Variants in PCSK5 observed in about 807,000 individuals in gnomAD.
PCSK5 encodes prohormone convertase 5.
PCSK5 carries 129 observed loss-of-function variants against 233.2 expected under a neutral mutation model. The observed-to-expected ratio is 0.55, with a 90% CI of 0.48 to 0.64. PCSK5 has a LOEUF of 0.64. Ranked by LOEUF, PCSK5 falls within the 30% of genes least tolerant of loss-of-function variation. The probability of loss-of-function intolerance (pLI) is 0.00; values close to 1 mark genes in which losing one functional copy is unlikely to be tolerated. For missense variants in PCSK5, 2,076 were observed against 2,430.1 expected, an observed-to-expected ratio of 0.85 and a Z score of 3.06; for synonymous variants, 825 against 879.2, an observed-to-expected ratio of 0.94 and a Z score of 1.09.
Position 75,891,091 on chromosome 9 carries a change from G to A in PCSK5, c.-91G>A. The A allele has an allele frequency of 8.1e-7, 1 of 1,231,812 alleles. No individual in the cohort carries two copies. The highest frequency in any genetic ancestry group is 1.0e-6 in the Non-Finnish European group (1 of 954,682). The allele number at this position is 1,231,812 out of a possible 1,614,324, so 76.3% of individuals were successfully genotyped here. On this transcript the variant is annotated 5_prime_UTR_variant, in exon 1 of 38. Transcript: ENST00000674117. ...GAGCTGCGGCGGCCCGGGGCTGCTC[G>A]CCGGGCGGCGCAGGCCGGAGAAGTT...
At chr9:76,211,747 C>G (rs1228338135) in intron 20 of PCSK5, among the ~76,000 whole-genome samples, 2 of 152,180 alleles carry the variant, frequency 1.3e-5, no homozygotes, top group African/African-American at 4.8e-5. Context: ...ACTCAGGAGG[C>G]TGAGGCTAGA....
chr9:76,134,635 T>G (rs1822897797), intron 10 of PCSK5, among the ~76,000 whole-genome samples: 1 of 152,060 alleles, frequency 6.6e-6, no homozygotes, highest in Non-Finnish European at 1.5e-5. Context: ...GCTAAGGCCA[T>G]GCATTCTACA....
At chr9:76,292,377 C>T (rs192273174) in intron 25 of PCSK5, 102 bp downstream of exon 25, 37 of 763,018 alleles carry the variant, frequency 4.8e-5, no homozygotes, top group South Asian at 2.8e-4. Context: ...CCCTGCAGCC[C>T]GAAGCAACTC....
intron 21 of PCSK5, among the ~76,000 whole-genome samples, chr9:76,231,409 G>A (rs928114949): frequency 2.0e-5 from 3 of 152,136 alleles, no homozygotes; most frequent in African/African-American, 4.8e-5. Context: ...AGTGCCTAGT[G>A]CCAAAAAGGC....
chr9:76,248,060 A>G (rs1002303064), intron 24 of PCSK5, among the ~76,000 whole-genome samples: 2 of 152,212 alleles, frequency 1.3e-5, no homozygotes, highest in Non-Finnish European at 2.9e-5. Context: ...CTGGGATTAC[A>G]GGCATGAGCC....
At chr9:76,068,137 A>C in intron 6 of PCSK5, 94 bp downstream of exon 6, 1 of 836,216 alleles carries the variant, frequency 1.2e-6, no homozygotes, top group South Asian at 1.5e-5. Flanking sequence ...AGGTTAAACG[A>C]TTGGGCATAT....
chr9:75,992,609 A>G (rs1184145100), intron 3 of PCSK5, among the ~76,000 whole-genome samples: 1 of 151,966 alleles, frequency 6.6e-6, no homozygotes, highest in Non-Finnish European at 1.5e-5. Context: ...ATACACACAC[A>G]CAATTTTTTT....
At chr9:76,191,837 T>G (rs965533437) in intron 20 of PCSK5, among the ~76,000 whole-genome samples, 4 of 152,014 alleles carry the variant, frequency 2.6e-5, no homozygotes, top group African/African-American at 9.7e-5. Flanking sequence ...GACCAGAATT[T>G]TTGGTAGGTT....
chr9:76,061,346 A>C (rs1164322022), intron 5 of PCSK5, among the ~76,000 whole-genome samples: 1 of 152,214 alleles, frequency 6.6e-6, no homozygotes, highest in Non-Finnish European at 1.5e-5. Flanking sequence ...TCAGATTATT[A>C]TTGATACCAA....
At chr9:76,046,737 T>C (rs1352332630) in intron 5 of PCSK5, among the ~76,000 whole-genome samples, 1 of 151,180 alleles carries the variant, frequency 6.6e-6, no homozygotes. Context: ...ATTTTTTGTA[T>C]TTTTAGTAGA....
chr9:76,338,330 T>C lies in PCSK5; in HGVS notation c.4849T>C (p.Phe1617Leu). 1 of 1,612,576 alleles carries C rather than the reference T, an allele frequency of 6.2e-7. No individual in the cohort carries two copies. Among genetic ancestry groups the C allele is most frequent in the Non-Finnish European group, 8.5e-7 (1 of 1,179,734 alleles). Reference sequence around the variant, plus strand: ...CACAGACTGCCTGTCTTGCGATAGATTTTTCTTTCTGCTCCGCTCCAAAGG... The same window carrying C: ...CACAGACTGCCTGTCTTGCGATAGACTTTTCTTTCTGCTCCGCTCCAAAGG... The part of the protein sequence containing the change: ...RPTDCLSCDR[F>L]FFLLRSKGEC... Residue 1617 changes from phenylalanine (F) to leucine (L), a missense_variant, in exon 35 of 38, where the codon TTT (phenylalanine) becomes CTT (leucine). Transcript: ENST00000674117.
intron 8 of PCSK5, among the ~76,000 whole-genome samples, chr9:76,096,501 G>C (rs908521861): frequency 1.3e-5 from 2 of 152,012 alleles, no homozygotes; most frequent in African/African-American, 4.8e-5. Context: ...TCTGAGTATG[G>C]CCAATTCAGT....
intron 12 of PCSK5, among the ~76,000 whole-genome samples, chr9:76,168,490 AT>A (rs1823183850): frequency 2.0e-5 from 3 of 152,102 alleles, no homozygotes; most frequent in Admixed American, 6.5e-5. Context: ...ATGTCTCTTT[AT>A]TCTTGAAAGG....
At chr9:76,290,591 A>G (rs764241382) in intron 24 of PCSK5, among the ~76,000 whole-genome samples, 1 of 152,158 alleles carries the variant, frequency 6.6e-6, no homozygotes, top group Non-Finnish European at 1.5e-5. Context: ...CTAAATATAG[A>G]CAGTTCTTTT....
At chr9:76,109,377 T>C (rs1341388884) in intron 9 of PCSK5, among the ~76,000 whole-genome samples, 1 of 152,130 alleles carries the variant, frequency 6.6e-6, no homozygotes, top group Non-Finnish European at 1.5e-5. Context: ...CTATAACTAT[T>C]GCTTCGTAGA....
intron 24 of PCSK5, among the ~76,000 whole-genome samples, chr9:76,279,428 A>C (rs963752848): frequency 2.0e-5 from 3 of 151,110 alleles, no homozygotes; most frequent in Admixed American, 6.6e-5. Flanking sequence ...GTATATACCC[A>C]GTAATGGGAT....
chr9:76,248,863 C>T (rs1826703188), intron 24 of PCSK5, among the ~76,000 whole-genome samples: 1 of 152,134 alleles, frequency 6.6e-6, no homozygotes, highest in African/African-American at 2.4e-5. Context: ...GGCTCCTGAG[C>T]TCAAGTGATC....
intron 7 of PCSK5, among the ~76,000 whole-genome samples, chr9:76,085,571 G>A (rs1014427657): frequency 6.6e-6 from 1 of 152,196 alleles, no homozygotes; most frequent in African/African-American, 2.4e-5. Context: ...ATAGAGGCTT[G>A]TAAATAATGC....
chr9:75,903,298 T>C lies in PCSK5; in HGVS notation c.192+11925T>C, dbSNP rs996408951. ...GATTGCTCTATATAATAGATTAATC[T>C]TGTTTACATTTGTATGGTAATCTGA... is the stretch of plus-strand genomic sequence containing the variant. On this transcript the variant is annotated intron_variant, in intron 1 of 37. Transcript: ENST00000674117. Among the ~76,000 whole-genome samples the C allele has an allele frequency of 4.6e-5, 7 of 152,172 alleles. 1 individual carries two copies. The South Asian group carries it at 1.0e-3, about 23-fold the overall frequency.
Sources: allele counts gnomAD v4.1 joint callset (sites outside exome capture counted in the v4.1 genomes callset), GRCh38; gene constraint gnomAD v4.1.1; transcripts MANE v1.5; gene names NCBI Gene and HGNC (gene_info 2026-07-23, HGNC 2026-07-21).